The following CHRM3 variants were observed in gnomAD, a reference collection of about 807,000 sequenced individuals.
CHRM3 encodes muscarinic acetylcholine receptor M3.
Under a neutral mutation model 41.8 loss-of-function variants are expected in CHRM3, and 11 were observed. The ratio of observed to expected loss-of-function variants is 0.26; its 90% CI spans 0.17 to 0.44. CHRM3 has a LOEUF of 0.44. CHRM3 is among the 20% of genes least tolerant of loss of function. CHRM3 has a pLI of 1.00. For synonymous variants in CHRM3, 297 were observed against 301.4 expected (o/e 0.99, Z 0.15); for missense variants, 571 against 745.4 (o/e 0.77, Z 2.72).
intron 6 of CHRM3, among the ~76,000 whole-genome samples, chr1:239,888,831 T>C (rs1478864104): frequency 6.6e-6 from 1 of 152,158 alleles, no homozygotes; most frequent in Admixed American, 6.5e-5. Flanking sequence ...TCTTCTATCA[T>C]GTAAAACCCA....
At chr1:239,669,376 T>C (rs2149050048) in intron 4 of CHRM3, among the ~76,000 whole-genome samples, 1 of 152,368 alleles carries the variant, frequency 6.6e-6, no homozygotes, top group East Asian at 1.9e-4. Flanking sequence ...GGCATTTCTC[T>C]ACACGTTGTT....
At position 239,404,394 on chromosome 1, in the gene CHRM3, AAGAAAGAAAGAAAGAAAAAG is replaced by A. The variant is rs1558195371; in HGVS notation, c.-521+17169_-521+17188del. Among the ~76,000 whole-genome samples the A allele has an allele frequency of 7.5e-3, 603 of 79,872 alleles. 1 individual carries two copies. The highest frequency in any genetic ancestry group is 0.011 in the Non-Finnish European group (455 of 40,886). The allele number at this position is 79,872 out of a possible 152,430, so 52.4% of individuals were successfully genotyped here. On this transcript the variant is annotated intron_variant, in intron 1 of 6. Coordinates refer to ENST00000676153, the MANE Select transcript of CHRM3 (RefSeq NM_001375978.1). The stretch of plus-strand genomic sequence containing the variant: ...AAAGAAAGAAAGAAAGAAAGAAAGA[AAGAAAGAAAGAAAGAAAAAG>A]AAAGAAAGAAAGAAAGAAAGAAAGA...
chr1:239,868,863 C>CT (rs1451753525), intron 6 of CHRM3, among the ~76,000 whole-genome samples: 2 of 152,194 alleles, frequency 1.3e-5, no homozygotes, highest in African/African-American at 4.8e-5. Flanking sequence ...ACTTTCATGT[C>CT]TTTGAGCCCC....
chr1:239,868,083 T>C (rs1002961248), intron 6 of CHRM3, among the ~76,000 whole-genome samples: 1 of 152,012 alleles, frequency 6.6e-6, no homozygotes, highest in Admixed American at 6.6e-5. Flanking sequence ...TAATTATTGC[T>C]CCCTCCTTGA....
intron 1 of CHRM3, among the ~76,000 whole-genome samples, chr1:239,417,688 T>A (rs1486631726): frequency 5.3e-5 from 8 of 151,762 alleles, no homozygotes; most frequent in African/African-American, 1.9e-4. Flanking sequence ...AAGACATCTC[T>A]TTCAAGTATT....
intron 3 of CHRM3, among the ~76,000 whole-genome samples, chr1:239,572,146 T>A (rs962523426): frequency 5.3e-5 from 8 of 152,186 alleles, no homozygotes; most frequent in African/African-American, 1.9e-4. Context: ...CTTGTGCAAG[T>A]TAAAATCTAG....
In CHRM3 at chr1:239,601,078, G is replaced by A. The variant is rs73122651; in HGVS notation, c.-312-31146G>A. 8.6e-3 allele frequency among the ~76,000 whole-genome samples: 1,317 copies of A among 152,306 alleles called. 45 individuals are homozygous for A. The East Asian group carries it at 0.11, about 13-fold the overall frequency. On this transcript the variant is annotated intron_variant, in intron 3 of 6. Coordinates refer to ENST00000676153, the MANE Select transcript of CHRM3 (RefSeq NM_001375978.1). ...TTGAAATATTATTTGTAGGAATCCAGTGGAGAGGATTATATAACTTCTTAA... is the reference window on the plus strand; with the variant it reads ...TTGAAATATTATTTGTAGGAATCCAATGGAGAGGATTATATAACTTCTTAA...
At chr1:239,824,351 G>A (rs12033608) in intron 5 of CHRM3, among the ~76,000 whole-genome samples, 27,232 of 152,054 alleles carry the variant, frequency 0.18, 2,920 homozygotes, top group East Asian at 0.38. Context: ...GTGTTTCAAT[G>A]TGCAAATGTA....
At chr1:239,848,836 C>T (rs1341048670) in intron 6 of CHRM3, among the ~76,000 whole-genome samples, 1 of 152,132 alleles carries the variant, frequency 6.6e-6, no homozygotes, top group Non-Finnish European at 1.5e-5. Flanking sequence ...ACTCATTAAA[C>T]TAACTATGGT....
intron 5 of CHRM3, among the ~76,000 whole-genome samples, chr1:239,744,915 TC>T (rs1665210943): frequency 6.6e-6 from 1 of 151,886 alleles, no homozygotes. Flanking sequence ...CATGAGAAGG[TC>T]AAGAAGCAGA....
At chr1:239,531,045 A>C (rs982338044) in intron 2 of CHRM3, among the ~76,000 whole-genome samples, 1 of 152,196 alleles carries the variant, frequency 6.6e-6, no homozygotes, top group Non-Finnish European at 1.5e-5. Flanking sequence ...AAACTGCTGA[A>C]AGATAAAAGA....
At position 239,485,681 on chromosome 1, in the gene CHRM3, C is replaced by T. The variant is rs570879048; in HGVS notation, c.-520-7028C>T. On this transcript the variant is annotated intron_variant, in intron 1 of 6. Transcript: ENST00000676153. Reference sequence around the variant, plus strand: ...CATGTTATGTCACCTGTGAGATTTCCTCACTTAGATTTTTGCCTTGAACCC... The same window carrying T: ...CATGTTATGTCACCTGTGAGATTTCTTCACTTAGATTTTTGCCTTGAACCC... Among the ~76,000 whole-genome samples, 112 of 152,192 alleles carry T rather than the reference C, an allele frequency of 7.4e-4. 1 individual carries two copies. The highest frequency in any genetic ancestry group is 9.8e-4 in the Admixed American group (15 of 15,288).
intron 1 of CHRM3, among the ~76,000 whole-genome samples, chr1:239,463,404 C>T (rs913223636): frequency 6.6e-6 from 1 of 152,106 alleles, no homozygotes; most frequent in South Asian, 2.1e-4. Flanking sequence ...CCCTTTTCCC[C>T]CAGGAACTGT....
At chr1:239,828,254 A>G (rs945265831) in intron 6 of CHRM3, among the ~76,000 whole-genome samples, 1 of 152,182 alleles carries the variant, frequency 6.6e-6, no homozygotes, top group African/African-American at 2.4e-5. Flanking sequence ...ACATAGATAT[A>G]CATACACATA....
At chr1:239,598,377 C>G (rs1665066915) in intron 3 of CHRM3, among the ~76,000 whole-genome samples, 1 of 152,068 alleles carries the variant, frequency 6.6e-6, no homozygotes, top group Non-Finnish European at 1.5e-5. Flanking sequence ...CATTTATAGT[C>G]TTATAAAATT....
intron 2 of CHRM3, among the ~76,000 whole-genome samples, chr1:239,516,360 C>T (rs918001247): frequency 3.9e-5 from 6 of 152,254 alleles, no homozygotes; most frequent in African/African-American, 1.2e-4. Context: ...ATGGGCATCA[C>T]GATACTCGCA....
At chr1:239,485,257 TGTCAGCATCA>T (rs1235775980) in intron 1 of CHRM3, among the ~76,000 whole-genome samples, 1 of 152,130 alleles carries the variant, frequency 6.6e-6, no homozygotes, top group Non-Finnish European at 1.5e-5. Context: ...AGCTCATGAT[TGTCAGCATCA>T]CACATGAACA....
intron 1 of CHRM3, among the ~76,000 whole-genome samples, chr1:239,482,554 C>A (rs1426679822): frequency 1.3e-5 from 2 of 152,114 alleles, no homozygotes; most frequent in African/African-American, 4.8e-5. Context: ...CGGGCCTAAC[C>A]CCTAGTCACT....
intron 4 of CHRM3, among the ~76,000 whole-genome samples, chr1:239,636,970 G>A (rs188505560): frequency 6.6e-6 from 1 of 152,272 alleles, no homozygotes; most frequent in African/African-American, 2.4e-5. Flanking sequence ...TAGGATTTTG[G>A]AGTATCTATA....
Sources: gnomAD v4.1 joint callset for allele counts (sites outside exome capture counted in the v4.1 genomes callset) on GRCh38, gnomAD v4.1.1 for gene constraint, MANE v1.5 for transcripts, NCBI Gene and HGNC (gene_info 2026-07-23, HGNC 2026-07-21) for gene names.